Variants in CRIM1 observed in about 807,000 individuals in gnomAD.
CRIM1 encodes cysteine rich transmembrane BMP regulator 1, also known as cysteine-rich motor neuron 1 protein.
CRIM1 carries 32 observed loss-of-function variants against 116.4 expected under a neutral mutation model. That is an observed-to-expected ratio of 0.27 (90% confidence interval 0.21 to 0.37). The LOEUF is 0.37. CRIM1 is among the 10% of genes least tolerant of loss of function. The pLI, the probability that CRIM1 is intolerant of heterozygous loss-of-function variation, is 1.00. For synonymous variants in CRIM1, 590 were observed against 509.2 expected, an observed-to-expected ratio of 1.16 and a Z score of -2.13; for missense variants, 1,331 against 1,354.8, an observed-to-expected ratio of 0.98 and a Z score of 0.28.
chr2:36,426,632 T>A (rs1346600208), intron 2 of CRIM1, among the ~76,000 whole-genome samples: 1 of 152,128 alleles, frequency 6.6e-6, no homozygotes, highest in Non-Finnish European at 1.5e-5. Flanking sequence ...AGGTGGCTTC[T>A]TAATCTGTTG....
At chr2:36,400,585 A>G (rs1462553271) in intron 2 of CRIM1, among the ~76,000 whole-genome samples, 1 of 152,210 alleles carries the variant, frequency 6.6e-6, no homozygotes, top group Non-Finnish European at 1.5e-5. Context: ...GAGAACAAAG[A>G]GGATACCTAT....
At chr2:36,399,444 A>G (rs1240463708) in intron 2 of CRIM1, among the ~76,000 whole-genome samples, 1 of 152,216 alleles carries the variant, frequency 6.6e-6, no homozygotes, top group Non-Finnish European at 1.5e-5. Context: ...GATATGCACC[A>G]TTTTGATGGA....
chr2:36,517,286 T>G, intron 11 of CRIM1, 41 bp from the exon 12 acceptor site: 1 of 1,528,774 alleles, frequency 6.5e-7, no homozygotes, highest in Non-Finnish European at 9.1e-7. Context: ...TTGGAAAGAT[T>G]GCAGATGAAT....
chr2:36,394,306 A>G (rs748455341), intron 1 of CRIM1, among the ~76,000 whole-genome samples: 4 of 152,172 alleles, frequency 2.6e-5, no homozygotes, highest in Non-Finnish European at 5.9e-5. Context: ...TCAGTTATAA[A>G]TTTGCATATG....
rs1050730549 is a variant in CRIM1, at chr2:36,356,712, T to G, written c.331+89T>G. ...GCCGAACAAAGTTTGGGCGAGACTT[T>G]CTGGAGGAAAGAGGGCTCTGCGGGA... On this transcript the variant is annotated intron_variant, in intron 1 of 16. Transcript: ENST00000280527. The surrounding 1 kb of genome is among the most constrained non-coding windows in gnomAD (Gnocchi z 4.3). 1.5e-5 allele frequency: 20 copies of G among 1,332,168 alleles called. No homozygotes were observed. The African/African-American group carries it at 2.0e-4, about 14-fold the overall frequency. The allele number at this position is 1,332,168 out of a possible 1,614,324, so 82.5% of individuals were successfully genotyped here.
At chr2:36,501,389 T>G (rs769701161) in intron 8 of CRIM1, among the ~76,000 whole-genome samples, 1 of 152,232 alleles carries the variant, frequency 6.6e-6, no homozygotes, top group African/African-American at 2.4e-5. Flanking sequence ...ACCATCACAC[T>G]ATCTACAGTG....
In CRIM1 at chr2:36,544,512, G is replaced by A. The variant is rs773798858; in HGVS notation, c.2746+14G>A. The A allele has an allele frequency of 2.3e-6, 3 of 1,324,058 alleles. No homozygotes were observed. The Admixed American group carries it at 9.1e-5, about 40-fold the overall frequency. The allele number at this position is 1,324,058 out of a possible 1,614,324, so 82.0% of individuals were successfully genotyped here. A position where few individuals can be genotyped will look rare whatever the true frequency, so the allele number is the denominator to read the frequency against. On this transcript the variant is annotated intron_variant, in intron 15 of 16. Transcript: ENST00000280527. ...ATCTCCCTAGAGGTAAGCATTGAAG[G>A]CAGCTGAGATCTGCTAGTTTTCTAT... is the stretch of plus-strand genomic sequence containing the variant.
intron 6 of CRIM1, among the ~76,000 whole-genome samples, chr2:36,478,214 A>G (rs544481527): frequency 6.6e-6 from 1 of 152,330 alleles, no homozygotes; most frequent in South Asian, 2.1e-4. Flanking sequence ...TCTTTTCCCT[A>G]CTAGAGGTTA....
intron 8 of CRIM1, 74 bp from the exon 9 acceptor site, chr2:36,509,909 G>T (rs1043790594): frequency 2.2e-6 from 3 of 1,343,648 alleles, no homozygotes; most frequent in African/African-American, 1.4e-5. Flanking sequence ...AGGATTCAGG[G>T]ACCGTATTTC....
intron 1 of CRIM1, among the ~76,000 whole-genome samples, chr2:36,385,431 T>G (rs1319377799): frequency 6.6e-6 from 1 of 152,224 alleles, no homozygotes; most frequent in African/African-American, 2.4e-5. Flanking sequence ...TTGCTGTATA[T>G]GAAGGTCTTA....
chr2:36,392,513 A>C (rs796453313), intron 1 of CRIM1, among the ~76,000 whole-genome samples: 2 of 152,028 alleles, frequency 1.3e-5, no homozygotes, highest in South Asian at 4.1e-4. Flanking sequence ...CAGAACCTTG[A>C]TTCTTGTGCT....
Position 36,356,527 on chromosome 2 carries a change from G to C in CRIM1, c.235G>C (p.Gly79Arg). The change falls in exon 1 of 17, where the codon GGG (glycine) becomes CGG (arginine). Residue 79 changes from glycine to arginine, a missense_variant. This residue lies in a region of CRIM1 where 690 missense variants were observed against 676.0 expected (regional missense o/e 1.02). Coordinates refer to ENST00000280527, the MANE Select transcript of CRIM1 (RefSeq NM_016441.3). This position sits in a 1 kb window ranked among gnomAD's most constrained non-coding sequence, Gnocchi z 4.3. ...QRNESCGGTF[G>R]IYGTCDRGLR... ...GAACGAGAGCTGCGGCGGCACCTTC[G>C]GGATTTACGGAACCTGCGACCGGGG... 2 of 1,612,932 alleles carry C rather than the reference G, an allele frequency of 1.2e-6. No individual in the cohort carries two copies. The highest frequency in any genetic ancestry group is 2.2e-5 in the East Asian group (1 of 44,838).
In CRIM1 at chr2:36,498,449, G is replaced by T. The variant is rs576627424; in HGVS notation, c.1373-770G>T. 7.9e-5 allele frequency among the ~76,000 whole-genome samples: 12 copies of T among 152,306 alleles called. 1 individual carries two copies. The highest frequency in any genetic ancestry group is 2.9e-4 in the African/African-American group (12 of 41,560). Reference sequence around the variant, plus strand: ...TAAAGCTGGAAGGCATTTATGAACAGCACTTTAAACCTTATATAAATACAT... The same window carrying T: ...TAAAGCTGGAAGGCATTTATGAACATCACTTTAAACCTTATATAAATACAT... On this transcript the variant is annotated intron_variant, in intron 7 of 16. Coordinates refer to ENST00000280527, the MANE Select transcript of CRIM1 (RefSeq NM_016441.3).
At chr2:36,440,542 G>A (rs950240614) in intron 2 of CRIM1, among the ~76,000 whole-genome samples, 5 of 152,182 alleles carry the variant, frequency 3.3e-5, no homozygotes, top group African/African-American at 4.8e-5. Flanking sequence ...TAAAATCTGA[G>A]TAAACCCACA....
At chr2:36,498,762 T>TAATTTGGAAAAAA (rs1680779332) in intron 7 of CRIM1, among the ~76,000 whole-genome samples, 1 of 152,146 alleles carries the variant, frequency 6.6e-6, no homozygotes, top group African/African-American at 2.4e-5. Context: ...ACTGATTTAT[T>TAATTTGGAAAAAA]AATTTGGAAA....
chr2:36,430,950 A>T (rs1030953505), intron 2 of CRIM1, among the ~76,000 whole-genome samples: 1 of 152,206 alleles, frequency 6.6e-6, no homozygotes. Context: ...AATTACCTAT[A>T]TAAGGCTGCT....
chr2:36,464,181 A>G (rs1298708232), intron 4 of CRIM1, among the ~76,000 whole-genome samples: 1 of 152,244 alleles, frequency 6.6e-6, no homozygotes, highest in African/African-American at 2.4e-5. Context: ...GATTCACAGA[A>G]GAGCATAACA....
chr2:36,539,667 G>C (rs1266013232), intron 14 of CRIM1, among the ~76,000 whole-genome samples: 1 of 152,030 alleles, frequency 6.6e-6, no homozygotes, highest in African/African-American at 2.4e-5. Flanking sequence ...AGCCGTGGAG[G>C]TGGGGAGAAG....
chr2:36,531,028 C>G (rs1472877400), intron 13 of CRIM1, among the ~76,000 whole-genome samples: 1 of 152,182 alleles, frequency 6.6e-6, no homozygotes, highest in Non-Finnish European at 1.5e-5. Context: ...ACAAATGCCC[C>G]CGTTATAGTA....
Sources: allele counts gnomAD v4.1 joint callset (sites outside exome capture counted in the v4.1 genomes callset), GRCh38; gene constraint gnomAD v4.1.1; regional missense constraint gnomAD v4.1.1; non-coding constraint Gnocchi (gnomAD v3.1); transcripts MANE v1.5; gene names NCBI Gene and HGNC (gene_info 2026-07-23, HGNC 2026-07-21).